ADAM11: variants seen among roughly 807,000 people sequenced by gnomAD.
ADAM11 encodes disintegrin and metalloproteinase domain-containing protein 11.
ADAM11 carries 49 observed loss-of-function variants against 119.1 expected under a neutral mutation model. The observed-to-expected ratio is 0.41, with a 90% CI of 0.33 to 0.52. The LOEUF (loss-of-function observed/expected upper bound fraction) is 0.52, where lower values mean the gene tolerates loss of function less well. Among genes scored for constraint, ADAM11 ranks in the 20% least tolerant of loss-of-function variants. ADAM11 has a pLI of 0.20. For synonymous variants in ADAM11, 364 were observed against 408.0 expected (o/e 0.89, Z 1.30); for missense variants, 777 against 1,047.5 (o/e 0.74, Z 3.56).
At chr17:44,774,667 C>T in intron 13 of ADAM11, 31 bp from the exon 14 acceptor site, 1 of 1,593,016 alleles carries the variant, frequency 6.3e-7, no homozygotes, top group Non-Finnish European at 8.6e-7. Flanking sequence ...GGTCCTTGGC[C>T]TCCCTCATAT....
chr17:44,774,425 G>C lies in ADAM11; in HGVS notation c.1077+46G>C, dbSNP rs920994511. ...GCTGGGGTGGCGGCTGAGGGAAAGG[G>C]GCTTCAGGGGCACGACGTGCCTGTT... On this transcript the variant is annotated intron_variant, in intron 12 of 26. Transcript: ENST00000200557. 8.9e-6 allele frequency: 14 copies of C among 1,570,584 alleles called. 2 individuals carry two copies. The Middle Eastern group carries it at 1.2e-3, about 132-fold the overall frequency.
chr17:44,778,338 C>A, intron 25 of ADAM11, 96 bp downstream of exon 25: 1 of 1,275,254 alleles, frequency 7.8e-7, no homozygotes, highest in South Asian at 1.4e-5. Flanking sequence ...GAAAGCCCAA[C>A]TGAACCAGAG....
rs770726670 is a variant in ADAM11 at position 44,777,588 on chromosome 17, G to A, written c.1888G>A (p.Glu630Lys). The A allele has an allele frequency of 4.3e-6, 7 of 1,614,176 alleles. No homozygotes were observed. Among genetic ancestry groups the A allele is most frequent in the Non-Finnish European group, 5.9e-6 (7 of 1,180,034 alleles). The change falls in exon 22 of 27, where the codon GAG becomes AAG. Residue 630 changes from glutamate to lysine, a missense_variant. Physicochemically the swap from Glu to Lys is moderately conservative, Grantham distance 56. Around this residue, in one of 4 missense-constraint regions of ADAM11, gnomAD observed 348 missense variants for 486.7 expected, o/e 0.72. Transcript: ENST00000200557. This position sits in a 1 kb window ranked among gnomAD's most constrained non-coding sequence, Gnocchi z 5.1. ...SSVTFYHQGK[E>K]LDCRGGHVQL... ...TGTCACCTTCTACCACCAGGGCAAG[G>A]AGCTGGACTGCAGGTGCTGGCCAGG...
At position 44,775,107 on chromosome 17, in the gene ADAM11, C is replaced by T; in HGVS notation, c.1221-105C>T. 1.0e-6 allele frequency: 1 copy of T among 981,438 alleles called. No individual in the cohort carries two copies. Among genetic ancestry groups the T allele is most frequent in the Non-Finnish European group, 1.6e-6 (1 of 635,124 alleles). 60.8% of individuals were successfully genotyped at this position (981,438 alleles called of 1,614,324 possible). A position where few individuals can be genotyped will look rare whatever the true frequency, so the allele number is the denominator to read the frequency against. On this transcript the variant is annotated intron_variant, in intron 14 of 26. Coordinates refer to ENST00000200557, the MANE Select transcript of ADAM11 (RefSeq NM_002390.6). The surrounding 1 kb of genome is among the most constrained non-coding windows in gnomAD (Gnocchi z 7.5). ...TCCCGGGGCAGATCCTCCGCCTCCT[C>T]GCGATGGTGACGAAGTCCCCCAGTG... is the stretch of plus-strand genomic sequence containing the variant.
At chr17:44,764,508 G>A (rs2049424768) in intron 2 of ADAM11, among the ~76,000 whole-genome samples, 1 of 152,138 alleles carries the variant, frequency 6.6e-6, no homozygotes, top group South Asian at 2.1e-4. Context: ...TAGAAGCCAG[G>A]GCTAGGATTT....
chr17:44,771,038 C>T (rs573015403), intron 4 of ADAM11, among the ~76,000 whole-genome samples: 29 of 151,994 alleles, frequency 1.9e-4, no homozygotes, highest in African/African-American at 4.3e-4. Context: ...TGTTTGAACC[C>T]GGGAGGCGGA....
At chr17:44,779,386 G>T (rs750645732) in intron 26 of ADAM11, 147 bp downstream of exon 26, 1 of 1,453,492 alleles carries the variant, frequency 6.9e-7, no homozygotes, top group East Asian at 2.7e-5. Context: ...AGGCTGTCCC[G>T]GCAGGGGTGG....
In ADAM11 at chr17:44,778,032, G is replaced by A. The variant is rs150767048; in HGVS notation, c.2151G>A (p.Thr717=). Reference sequence around the variant, plus strand: ...GCAGTATCCATAACCCCCTGCCCACGTCCCCACCCACGGGGGAGACGGAGA... The same window carrying A: ...GCAGTATCCATAACCCCCTGCCCACATCCCCACCCACGGGGGAGACGGAGA... The part of the protein sequence containing the change: ...KDCSIHNPLP[T]SPPTGETERY... The change falls in exon 24 of 27, where the codon ACG becomes ACA. Residue 717 remains threonine (T), a synonymous_variant. Transcript: ENST00000200557. The A allele has an allele frequency of 8.7e-5, 140 of 1,613,748 alleles. No homozygotes were observed. The African/African-American group carries it at 1.0e-3, about 12-fold the overall frequency.
At chr17:44,760,598 C>T (rs147007818) in intron 2 of ADAM11, among the ~76,000 whole-genome samples, 12 of 152,304 alleles carry the variant, frequency 7.9e-5, no homozygotes, top group African/African-American at 1.7e-4. Flanking sequence ...CACACCCCAG[C>T]GCTCCAAGAG....
rs376201472 is a variant in ADAM11 at position 44,772,609 on chromosome 17, C to T, written c.678+143C>T. 42 of 1,192,878 alleles carry T rather than the reference C, an allele frequency of 3.5e-5. No individual in the cohort carries two copies. The highest frequency in any genetic ancestry group is 2.5e-4 in the Admixed American group (10 of 39,284). The allele number at this position is 1,192,878 out of a possible 1,614,324, so 73.9% of individuals were successfully genotyped here. A position where few individuals can be genotyped will look rare whatever the true frequency, so the allele number is the denominator to read the frequency against. On this transcript the variant is annotated intron_variant, in intron 8 of 26. Transcript: ENST00000200557. The surrounding 1 kb of genome is among the most constrained non-coding windows in gnomAD (Gnocchi z 4.5). ...ATGGATGTGGCTGGGGGCCAGGGAC[C>T]GTGTCTGGGAGAAGCCCCCACCCCT...
In ADAM11 at chr17:44,776,136, C is replaced by T. The variant is rs2049598290; in HGVS notation, c.1495C>T (p.Arg499Trp). ...LCCRRCKYEP[R>W]GVSCREAVNE... ...CGCGTCTCTTCCCTAGTACGAACCA[C>T]GGGGTGTGTCCTGCCGAGAGGCCGT... The change falls in exon 18 of 27, where the codon CGG (arginine) becomes TGG (tryptophan). Residue 499 changes from arginine (R) to tryptophan (W), a missense_variant. This residue lies in a region of ADAM11 where 348 missense variants were observed against 486.7 expected (regional missense o/e 0.72). Coordinates refer to ENST00000200557, the MANE Select transcript of ADAM11 (RefSeq NM_002390.6). The surrounding 1 kb of genome is among the most constrained non-coding windows in gnomAD (Gnocchi z 5.2). The T allele has an allele frequency of 1.9e-6, 3 of 1,613,500 alleles. No individual in the cohort carries two copies. In the African/African-American group the frequency reaches 4.0e-5, roughly 22 times the overall value.
chr17:44,774,366 G>T lies in ADAM11; in HGVS notation c.1064G>T (p.Gly355Val). Reference protein sequence around the residue: ...VGGICSLSHGGGVNEYGNMGA... With the variant: ...VGGICSLSHGVGVNEYGNMGA... ...GGCATATGCTCCCTGTCCCACGGCG[G>T]GGGTGTGAACGAGGTGAGCAGTGGG... Residue 355 changes from glycine (G) to valine (V), a missense_variant, in exon 12 of 27, where the codon GGG (glycine) becomes GTG (valine). Around this residue, in one of 4 missense-constraint regions of ADAM11, gnomAD observed 147 missense variants for 223.3 expected, o/e 0.66. Coordinates refer to ENST00000200557, the MANE Select transcript of ADAM11 (RefSeq NM_002390.6). The T allele has an allele frequency of 6.7e-7, 1 of 1,492,242 alleles. No individual in the cohort carries two copies. The highest frequency in any genetic ancestry group is 1.4e-5 in the African/African-American group (1 of 71,848). 92.4% of individuals were successfully genotyped at this position (1,492,242 alleles called of 1,614,324 possible). A position where few individuals can be genotyped will look rare whatever the true frequency, so the allele number is the denominator to read the frequency against.
chr17:44,772,928 G>A lies in ADAM11; in HGVS notation c.750G>A (p.Gln250=), dbSNP rs2049545649. 3 of 1,614,062 alleles carry A rather than the reference G, an allele frequency of 1.9e-6. No homozygotes were observed. The African/African-American group carries it at 4.0e-5, about 22-fold the overall frequency. ...AGCTAATTGTGATCAACGACCACCA[G>A]CTGGTGAGTGCCAGGGCAGGGACAG... ...YVELIVINDH[Q]LFEQMRQSVV... The change falls in exon 9 of 27, where the codon CAG becomes CAA. Residue 250 remains glutamine (Q), a synonymous_variant. Coordinates refer to ENST00000200557, the MANE Select transcript of ADAM11 (RefSeq NM_002390.6). This position sits in a 1 kb window ranked among gnomAD's most constrained non-coding sequence, Gnocchi z 4.5.
chr17:44,759,770 C>G lies in ADAM11; in HGVS notation c.110C>G (p.Pro37Arg), dbSNP rs761097136. ...PAGALRWGGL[P>R]QLGGPGAPEV... ...GGAGCTCTGCGATGGGGGGGCTTAC[C>G]CCAGCTGGGAGGCCCAGGAGCCCCT... The change falls in exon 2 of 27, where the codon CCC becomes CGC. Residue 37 changes from proline (P) to arginine (R), a missense_variant. Pro to Arg is a moderately radical substitution (Grantham distance 103). Coordinates refer to ENST00000200557, the MANE Select transcript of ADAM11 (RefSeq NM_002390.6). 7.5e-7 allele frequency: 1 copy of G among 1,325,446 alleles called. No homozygotes were observed. The highest frequency in any genetic ancestry group is 9.7e-7 in the Non-Finnish European group (1 of 1,030,110). The allele number at this position is 1,325,446 out of a possible 1,614,324, so 82.1% of individuals were successfully genotyped here. A position where few individuals can be genotyped will look rare whatever the true frequency, so the allele number is the denominator to read the frequency against.
In ADAM11 at chr17:44,772,776, C is replaced by G. The variant is rs1317086499; in HGVS notation, c.679-81C>G. On this transcript the variant is annotated intron_variant, in intron 8 of 26. Coordinates refer to ENST00000200557, the MANE Select transcript of ADAM11 (RefSeq NM_002390.6). This position sits in a 1 kb window ranked among gnomAD's most constrained non-coding sequence, Gnocchi z 4.5. ...GGCTGGAGTCCAGACCCCCCCATCC[C>G]CACCGAGTCTGTTCCTGGCTTGGCC... 1 of 1,315,894 alleles carries G rather than the reference C, an allele frequency of 7.6e-7. No individual in the cohort carries two copies. The highest frequency in any genetic ancestry group is 2.3e-5 in the East Asian group (1 of 43,048). 81.5% of individuals were successfully genotyped at this position (1,315,894 alleles called of 1,614,324 possible).
At chr17:44,762,106 G>C (rs2049396753) in intron 2 of ADAM11, among the ~76,000 whole-genome samples, 1 of 152,228 alleles carries the variant, frequency 6.6e-6, no homozygotes. Context: ...TTACAAGCGT[G>C]AGCCACTGCG....
Position 44,778,225 on chromosome 17 carries a change from C to A in ADAM11, c.2259C>A (p.Gly753=). 6.2e-7 allele frequency: 1 copy of A among 1,613,278 alleles called. No individual in the cohort carries two copies. The highest frequency in any genetic ancestry group is 1.7e-4 in the Middle Eastern group (1 of 6,048). Residue 753 remains glycine (G), a synonymous_variant, in exon 25 of 27, where the codon GGC becomes GGA. Coordinates refer to ENST00000200557, the MANE Select transcript of ADAM11 (RefSeq NM_002390.6). The part of the protein sequence containing the change: ...AVLVAAIVLG[G]TGWGFKNIRR... ...TGGTTGCAGCCATCGTCCTGGGCGGCACGGGCTGGGGATTTAAGTAAGAGA... is the reference window on the plus strand; with the variant it reads ...TGGTTGCAGCCATCGTCCTGGGCGGAACGGGCTGGGGATTTAAGTAAGAGA...
At position 44,759,279 on chromosome 17, in the gene ADAM11, GC is replaced by G. The variant is rs1213417490; in HGVS notation, c.61+23del. 5 of 1,375,884 alleles carry G rather than the reference GC, an allele frequency of 3.6e-6. No homozygotes were observed. The highest frequency in any genetic ancestry group is 1.6e-5 in the South Asian group (1 of 61,922). The allele number at this position is 1,375,884 out of a possible 1,614,324, so 85.2% of individuals were successfully genotyped here. A position where few individuals can be genotyped will look rare whatever the true frequency, so the allele number is the denominator to read the frequency against. On this transcript the variant is annotated intron_variant, in intron 1 of 26. Transcript: ENST00000200557. The stretch of plus-strand genomic sequence containing the variant: ...ACGCCCGGTGAGTGACCCCCGCCCG[GC>G]CCCGGCGCCCCCTCCCTGCCCCCGC...
rs997475373 is a variant in ADAM11 at position 44,772,555 on chromosome 17, A to G, written c.678+89A>G. On this transcript the variant is annotated intron_variant, in intron 8 of 26. Coordinates refer to ENST00000200557, the MANE Select transcript of ADAM11 (RefSeq NM_002390.6). This position sits in a 1 kb window ranked among gnomAD's most constrained non-coding sequence, Gnocchi z 4.5. ...TGGCCCAGAGCAGGAGGGCACCCTCATCTATGGCTGGGGCGAAGGAAGGCT... is the reference window on the plus strand; with the variant it reads ...TGGCCCAGAGCAGGAGGGCACCCTCGTCTATGGCTGGGGCGAAGGAAGGCT... 6.2e-6 allele frequency: 9 copies of G among 1,458,032 alleles called. No individual in the cohort carries two copies. The Admixed American group carries it at 2.0e-4, about 32-fold the overall frequency. The allele number at this position is 1,458,032 out of a possible 1,614,324, so 90.3% of individuals were successfully genotyped here. A position where few individuals can be genotyped will look rare whatever the true frequency, so the allele number is the denominator to read the frequency against.
Sources: allele counts gnomAD v4.1 joint callset (sites outside exome capture counted in the v4.1 genomes callset), GRCh38; gene constraint gnomAD v4.1.1; regional missense constraint gnomAD v4.1.1; non-coding constraint Gnocchi (gnomAD v3.1); transcripts MANE v1.5; gene names NCBI Gene and HGNC (gene_info 2026-07-23, HGNC 2026-07-21).